The following PDZD2 variants were observed in gnomAD, a reference collection of about 807,000 sequenced individuals.
PDZD2 encodes PDZ domain-containing protein 2.
In PDZD2, 90 loss-of-function variants were observed where a neutral mutation model predicts 220.7. The ratio of observed to expected loss-of-function variants is 0.41; its 90% CI spans 0.34 to 0.49. The LOEUF (loss-of-function observed/expected upper bound fraction) is 0.49. Among genes scored for constraint, PDZD2 ranks in the 20% least tolerant of loss-of-function variants. The probability of loss-of-function intolerance (pLI) is 0.28; values close to 1 mark genes in which losing one functional copy is unlikely to be tolerated. For missense variants in PDZD2, 3,174 were observed against 3,608.5 expected, an observed-to-expected ratio of 0.88 and a Z score of 3.08; for synonymous variants, 1,375 against 1,450.5, an observed-to-expected ratio of 0.95 and a Z score of 1.18.
chr5:32,090,614 C>T lies in PDZD2; in HGVS notation c.7166C>T (p.Ala2389Val). The T allele has an allele frequency of 6.2e-7, 1 of 1,614,068 alleles. No individual in the cohort carries two copies. Among genetic ancestry groups the T allele is most frequent in the South Asian group, 1.1e-5 (1 of 91,072 alleles). The change falls in exon 20 of 25, where the codon GCA becomes GTA. Residue 2389 changes from alanine (A) to valine (V), a missense_variant. Coordinates refer to ENST00000438447, the MANE Select transcript of PDZD2 (RefSeq NM_178140.4). The surrounding 1 kb of genome is among the most constrained non-coding windows in gnomAD (Gnocchi z 4.3). Reference sequence around the variant, plus strand: ...AGCCTGGGCCACCCAGGTGACGCAGCAGCAAGGTTGTTGAGACGCAGCTTG... The same window carrying T: ...AGCCTGGGCCACCCAGGTGACGCAGTAGCAAGGTTGTTGAGACGCAGCTTG... ...SGSLGHPGDA[A>V]ARLLRRSLSS...
intron 1 of PDZD2, among the ~76,000 whole-genome samples, chr5:31,746,256 G>C (rs1451801823): frequency 2.0e-5 from 3 of 152,176 alleles, no homozygotes; most frequent in African/African-American, 7.2e-5. Flanking sequence ...AAGTCCTTTT[G>C]AGTAGCTTCC....
intron 7 of PDZD2, among the ~76,000 whole-genome samples, chr5:32,039,049 C>T (rs973015647): frequency 2.0e-5 from 3 of 152,114 alleles, no homozygotes; most frequent in Non-Finnish European, 4.4e-5. Context: ...AGAAAGATGG[C>T]AGGTTTAAGA....
chr5:31,772,927 A>G (rs1283741440), intron 1 of PDZD2, among the ~76,000 whole-genome samples: 1 of 152,142 alleles, frequency 6.6e-6, no homozygotes. Context: ...CGTGTTGCTC[A>G]CTGTCTGCTT....
At position 32,108,409 on chromosome 5, in the gene PDZD2, T is replaced by C. The variant is rs112004564; in HGVS notation, c.*274T>C. ...TTTATGTTATGTTTACTGATGGGGA[T>C]ACAAGATGTGACACACCCTTCTTTA... On this transcript the variant is annotated 3_prime_UTR_variant, in exon 25 of 25. Transcript: ENST00000438447. 8.7e-5 allele frequency: 21 copies of C among 241,606 alleles called. No individual in the cohort carries two copies. Among genetic ancestry groups the C allele is most frequent in the African/African-American group, 4.0e-4 (18 of 44,568 alleles). 15.0% of individuals were successfully genotyped at this position (241,606 alleles called of 1,614,324 possible).
At chr5:31,994,539 G>A (rs1410357086) in intron 3 of PDZD2, among the ~76,000 whole-genome samples, 2 of 151,862 alleles carry the variant, frequency 1.3e-5, no homozygotes, top group African/African-American at 2.4e-5. Context: ...TGTCTGGAGT[G>A]CAGTGGCACC....
rs1188241225 is a variant in PDZD2 at position 31,849,919 on chromosome 5, CATATATAT to C, written c.476+50201_476+50208del. 3.7e-4 allele frequency among the ~76,000 whole-genome samples: 7 copies of C among 19,058 alleles called. 3 individuals are homozygous for C. The highest frequency in any genetic ancestry group is 1.9e-3 in the African/African-American group (7 of 3,674). The allele number at this position is 19,058 out of a possible 152,430, so 12.5% of individuals were successfully genotyped here. On this transcript the variant is annotated intron_variant, in intron 2 of 24. Transcript: ENST00000438447. Reference sequence around the variant, plus strand: ...ATATATATATACATATATATATATACATATATATATATACACATATATATATATACATA... The same window carrying C: ...ATATATATATACATATATATATATACATATACACATATATATATATACATA...
intron 1 of PDZD2, among the ~76,000 whole-genome samples, chr5:31,673,382 A>G (rs1746288294): frequency 6.6e-6 from 1 of 152,222 alleles, no homozygotes. Context: ...CTTTGGGACA[A>G]GTCACCTGCC....
At chr5:32,023,214 A>ATCCCCTCG (rs60750671) in intron 6 of PDZD2, among the ~76,000 whole-genome samples, 7,203 of 151,978 alleles carry the variant, frequency 0.047, 532 homozygotes, top group African/African-American at 0.16. Flanking sequence ...TTGAACCCTC[A>ATCCCCTCG]TGTCATCCCC....
At chr5:31,759,499 C>T (rs1685562985) in intron 1 of PDZD2, among the ~76,000 whole-genome samples, 1 of 151,364 alleles carries the variant, frequency 6.6e-6, no homozygotes, top group Admixed American at 6.6e-5. Flanking sequence ...AACACAGATA[C>T]ACATACCCAA....
At position 32,068,834 on chromosome 5, in the gene PDZD2, T is replaced by TGTGTGC. The variant is rs566697886; in HGVS notation, c.2452-729_2452-724dup. ...ATGGTTTAGCAAAAAGCTGTAATTC[T>TGTGTGC]GTGTGCGTGTGTGTGTATGTGTCTG... On this transcript the variant is annotated intron_variant, in intron 14 of 24. Coordinates refer to ENST00000438447, the MANE Select transcript of PDZD2 (RefSeq NM_178140.4). Among the ~76,000 whole-genome samples the TGTGTGC allele has an allele frequency of 2.7e-3, 333 of 124,298 alleles. 1 individual carries two copies. The highest frequency in any genetic ancestry group is 0.012 in the African/African-American group (310 of 26,456). The allele number at this position is 124,298 out of a possible 152,430, so 81.5% of individuals were successfully genotyped here. A position where few individuals can be genotyped will look rare whatever the true frequency, so the allele number is the denominator to read the frequency against.
chr5:32,057,099 C>CA (rs1561467298), intron 10 of PDZD2, among the ~76,000 whole-genome samples: 2 of 151,474 alleles, frequency 1.3e-5, no homozygotes, highest in African/African-American at 4.9e-5. Context: ...TACTCTGTTT[C>CA]AAAAAAAAAT....
intron 10 of PDZD2, among the ~76,000 whole-genome samples, chr5:32,055,752 A>G (rs1488964912): frequency 6.6e-6 from 1 of 152,214 alleles, no homozygotes; most frequent in Admixed American, 6.5e-5. Flanking sequence ...TATGCTAACA[A>G]TAAGACATGA....
intron 2 of PDZD2, among the ~76,000 whole-genome samples, chr5:31,936,604 C>T (rs909027320): frequency 1.9e-4 from 29 of 151,620 alleles, no homozygotes; most frequent in African/African-American, 6.0e-4. Context: ...AGCATTGAAG[C>T]TTTTTTAATT....
At chr5:31,831,941 C>T (rs377574701) in intron 2 of PDZD2, among the ~76,000 whole-genome samples, 19 of 123,160 alleles carry the variant, frequency 1.5e-4, no homozygotes, top group African/African-American at 5.1e-4. Context: ...AAAAGAATAA[C>T]GATGGGGTGG....
At position 32,074,655 on chromosome 5, in the gene PDZD2, T is replaced by C; in HGVS notation, c.3537+12T>C. On this transcript the variant is annotated intron_variant, in intron 18 of 24. Coordinates refer to ENST00000438447, the MANE Select transcript of PDZD2 (RefSeq NM_178140.4). Reference sequence around the variant, plus strand: ...GAGCTGTGGAGAAGGTAACTGACTTTCTCTTAGTTACTTGGAATGGAAGTG... The same window carrying C: ...GAGCTGTGGAGAAGGTAACTGACTTCCTCTTAGTTACTTGGAATGGAAGTG... 1 of 1,562,554 alleles carries C rather than the reference T, an allele frequency of 6.4e-7. No homozygotes were observed. The highest frequency in any genetic ancestry group is 1.2e-5 in the South Asian group (1 of 85,022).
intron 2 of PDZD2, among the ~76,000 whole-genome samples, chr5:31,891,535 G>A (rs1401699329): frequency 4.0e-5 from 6 of 151,590 alleles, no homozygotes; most frequent in Admixed American, 6.6e-5. Flanking sequence ...GGCTGATCTC[G>A]AACTCCTGAT....
chr5:31,943,087 C>T (rs1276234091), intron 2 of PDZD2, among the ~76,000 whole-genome samples: 1 of 151,998 alleles, frequency 6.6e-6, no homozygotes, highest in Non-Finnish European at 1.5e-5. Context: ...CCTGTAATCC[C>T]AGCTACTCCT....
intron 6 of PDZD2, among the ~76,000 whole-genome samples, chr5:32,013,392 T>G (rs1363328855): frequency 6.6e-6 from 1 of 152,076 alleles, no homozygotes; most frequent in African/African-American, 2.4e-5. Flanking sequence ...AAGGTTTTTT[T>G]CTGGGGAGAT....
chr5:32,070,596 T>C (rs950607001), intron 15 of PDZD2, among the ~76,000 whole-genome samples: 1 of 152,262 alleles, frequency 6.6e-6, no homozygotes. Context: ...TTCAGTCATC[T>C]TCTCAGTTCT....
Sources: allele counts gnomAD v4.1 joint callset (sites outside exome capture counted in the v4.1 genomes callset), GRCh38; gene constraint gnomAD v4.1.1; non-coding constraint Gnocchi (gnomAD v3.1); transcripts MANE v1.5; gene names NCBI Gene and HGNC (gene_info 2026-07-23, HGNC 2026-07-21).